FOXP1: variants seen among roughly 807,000 people sequenced by gnomAD.
FOXP1 encodes forkhead box P1, also known as forkhead box protein P1.
FOXP1 carries 15 observed loss-of-function variants against 98.2 expected under a neutral mutation model. That is an observed-to-expected ratio of 0.15 (90% CI 0.10 to 0.24). The LOEUF (loss-of-function observed/expected upper bound fraction) is 0.24. Among genes scored for constraint, FOXP1 ranks in the 10% least tolerant of loss-of-function variants. The pLI is 1.00. For synonymous variants in FOXP1, 371 were observed against 314.5 expected, an observed-to-expected ratio of 1.18 and a Z score of -1.90; for missense variants, 633 against 848.5, an observed-to-expected ratio of 0.75 and a Z score of 3.15.
intron 4 of FOXP1, among the ~76,000 whole-genome samples, chr3:71,330,864 C>A (rs2076248854): frequency 1.3e-5 from 2 of 152,184 alleles, no homozygotes; most frequent in Non-Finnish European, 2.9e-5. Flanking sequence ...ACATACAGAG[C>A]AACTAGAGAG....
intron 5 of FOXP1, chr3:71,292,706 T>C (rs571742609): frequency 6.6e-6 from 1 of 152,278 alleles, no homozygotes; most frequent in Admixed American, 6.5e-5. Context: ...TTTAATTACA[T>C]ACCACATATA....
intron 13 of FOXP1, among the ~76,000 whole-genome samples, chr3:70,989,586 T>C (rs201478830): frequency 1.6e-5 from 2 of 125,766 alleles, no homozygotes; most frequent in Non-Finnish European, 3.6e-5. Context: ...ATTATTATTA[T>C]TTTTTTTAAA....
At chr3:71,320,488 C>T (rs1184384666) in intron 4 of FOXP1, among the ~76,000 whole-genome samples, 1 of 152,080 alleles carries the variant, frequency 6.6e-6, no homozygotes, top group Admixed American at 6.6e-5. Flanking sequence ...AAATCCCACA[C>T]ATCCCATATA....
At chr3:71,464,801 T>A (rs1577660779) in intron 3 of FOXP1, among the ~76,000 whole-genome samples, 1 of 152,162 alleles carries the variant, frequency 6.6e-6, no homozygotes, top group African/African-American at 2.4e-5. Flanking sequence ...GAGGACTGAC[T>A]TTGTGGCAAG....
At chr3:70,965,646 G>GA (rs1285248248) in intron 20 of FOXP1, among the ~76,000 whole-genome samples, 3 of 152,054 alleles carry the variant, frequency 2.0e-5, no homozygotes, top group African/African-American at 7.2e-5. Context: ...AAAGCAGAGG[G>GA]AAAAAAAGCA....
intron 20 of FOXP1, among the ~76,000 whole-genome samples, chr3:70,962,089 T>C (rs2033676001): frequency 1.3e-5 from 2 of 152,224 alleles, no homozygotes; most frequent in South Asian, 4.1e-4. Context: ...AGTTTTCTTA[T>C]TTTTGCCAAT....
intron 6 of FOXP1, among the ~76,000 whole-genome samples, chr3:71,128,301 T>A (rs1176189562): frequency 1.4e-5 from 1 of 73,012 alleles, no homozygotes; most frequent in Non-Finnish European, 2.6e-5. Flanking sequence ...AAACCCCACT[T>A]GAGAACTAAA....
At chr3:71,059,240 A>G (rs1446950081) in intron 7 of FOXP1, among the ~76,000 whole-genome samples, 1 of 152,196 alleles carries the variant, frequency 6.6e-6, no homozygotes, top group East Asian at 1.9e-4. Flanking sequence ...CCTGCCAATC[A>G]GGAGTTATTT....
chr3:71,463,765 G>A (rs947638390), intron 3 of FOXP1, among the ~76,000 whole-genome samples: 5 of 152,194 alleles, frequency 3.3e-5, no homozygotes, highest in African/African-American at 1.2e-4. Flanking sequence ...AATTAATCAT[G>A]TCCTGGAGGT....
chr3:71,355,791 A>G (rs1363642263), intron 4 of FOXP1, among the ~76,000 whole-genome samples: 1 of 152,178 alleles, frequency 6.6e-6, no homozygotes, highest in Non-Finnish European at 1.5e-5. Flanking sequence ...TTAATGAATT[A>G]TCACTGCAGG....
At chr3:70,977,548 GCATACTA>G (rs2037821231) in intron 16 of FOXP1, 88 bp downstream of exon 16, 1 of 1,035,992 alleles carries the variant, frequency 9.7e-7, no homozygotes, top group South Asian at 1.3e-5. Flanking sequence ...CAGCATGCTT[GCATACTA>G]AACGGTTTTT....
chr3:71,182,730 G>C (rs985016185), intron 6 of FOXP1, among the ~76,000 whole-genome samples: 2 of 151,692 alleles, frequency 1.3e-5, no homozygotes, highest in African/African-American at 4.8e-5. Context: ...TTAATTTTTA[G>C]TAGATACGAG....
chr3:71,565,710 A>T (rs959476849), intron 2 of FOXP1, among the ~76,000 whole-genome samples: 1 of 152,246 alleles, frequency 6.6e-6, no homozygotes, highest in Non-Finnish European at 1.5e-5. Flanking sequence ...CCATCTATTT[A>T]GTAAATAAAA....
intron 3 of FOXP1, among the ~76,000 whole-genome samples, chr3:71,444,674 C>T (rs552841696): frequency 6.6e-6 from 1 of 152,324 alleles, no homozygotes; most frequent in East Asian, 1.9e-4. Flanking sequence ...CTGGACCCCA[C>T]TTTTTCCTGT....
intron 5 of FOXP1, among the ~76,000 whole-genome samples, chr3:71,255,565 G>C (rs1444534309): frequency 6.6e-6 from 1 of 152,014 alleles, no homozygotes; most frequent in Non-Finnish European, 1.5e-5. Flanking sequence ...GAGCTCTTAA[G>C]GCAAGGAAAC....
At chr3:70,971,731 T>G in intron 18 of FOXP1, 2 of 293,438 alleles carry the variant, frequency 6.8e-6, no homozygotes, top group Non-Finnish European at 1.2e-5. Context: ...AGAGGGGGGA[T>G]TATGGGTTAA....
chr3:71,392,656 A>T (rs910088483), intron 3 of FOXP1, among the ~76,000 whole-genome samples: 1 of 152,216 alleles, frequency 6.6e-6, no homozygotes, highest in Non-Finnish European at 1.5e-5. Context: ...TGGAAATTTC[A>T]TGGGCATCTA....
chr3:71,445,857 T>G (rs903978746), intron 3 of FOXP1, among the ~76,000 whole-genome samples: 19 of 151,946 alleles, frequency 1.3e-4, no homozygotes, highest in African/African-American at 4.6e-4. Context: ...CCAGCTAATT[T>G]TGTATTTTTA....
At chr3:71,411,334 T>C (rs1457123159) in intron 3 of FOXP1, among the ~76,000 whole-genome samples, 1 of 149,150 alleles carries the variant, frequency 6.7e-6, no homozygotes, top group Non-Finnish European at 1.5e-5. Flanking sequence ...TGTGTGTGAG[T>C]GACGGAGTCT....
Sources: allele counts gnomAD v4.1 joint callset (sites outside exome capture counted in the v4.1 genomes callset), GRCh38; gene constraint gnomAD v4.1.1; transcripts MANE v1.5; gene names NCBI Gene and HGNC (gene_info 2026-07-23, HGNC 2026-07-21).